ZBED6: variants seen among roughly 807,000 people sequenced by gnomAD.
ZBED6 encodes the protein zinc finger BED-type containing 6.
ZBED6 carries 40 observed loss-of-function variants against 58.4 expected under a neutral mutation model. The ratio of observed to expected loss-of-function variants is 0.68; its 90% confidence interval spans 0.53 to 0.89. The LOEUF is 0.89. Ranked by LOEUF, ZBED6 falls within the 40% of genes least tolerant of loss-of-function variation. The pLI is 0.00. For synonymous variants in ZBED6, 439 were observed against 350.6 expected, an observed-to-expected ratio of 1.25 and a Z score of -2.82; for missense variants, 1,057 against 1,003.9, an observed-to-expected ratio of 1.05 and a Z score of -0.71.
chr1:203,822,688 G>C (rs1679186007), intron 3 of ZBED6, among the ~76,000 whole-genome samples: 1 of 152,120 alleles, frequency 6.6e-6, no homozygotes, highest in Non-Finnish European at 1.5e-5. Context: ...ACCCTGCTCA[G>C]GCTCAACACT....
intron 12 of ZBED6, 90 bp downstream of exon 12, chr1:203,847,777 AC>A: frequency 1.3e-6 from 2 of 1,514,364 alleles, no homozygotes; most frequent in East Asian, 4.5e-5. Context: ...TTGTTTGACA[AC>A]CTTTCTTTAC....
chr1:203,799,333 A>G (rs781727152), exon 1 of ZBED6: 27 of 706,626 alleles, frequency 3.8e-5, no homozygotes, highest in Admixed American at 2.0e-5. Context: ...AGCATTGAGA[A>G]TATGTTAGTG....
exon 17 of ZBED6, chr1:203,853,726 G>A (rs1192004442): frequency 2.6e-5 from 4 of 152,616 alleles, no homozygotes; most frequent in African/African-American, 9.7e-5. Flanking sequence ...TTGGGAATAT[G>A]GAAAAGGAAG....
At chr1:203,836,269 C>G (rs1684291501) in intron 9 of ZBED6, among the ~76,000 whole-genome samples, 1 of 152,126 alleles carries the variant, frequency 6.6e-6, no homozygotes, top group South Asian at 2.1e-4. Flanking sequence ...GTTTTAACAT[C>G]AGCATACCTG....
chr1:203,823,041 A>G (rs1679294424), intron 3 of ZBED6, among the ~76,000 whole-genome samples: 1 of 151,826 alleles, frequency 6.6e-6, no homozygotes, highest in African/African-American at 2.4e-5. Context: ...AAATTGATAA[A>G]GGAGTACTCT....
exon 1 of ZBED6, chr1:203,802,216 T>A (rs1396533141): frequency 6.6e-6 from 1 of 152,628 alleles, no homozygotes; most frequent in Non-Finnish European, 1.5e-5. Context: ...TATATATACA[T>A]ACATCCATAT....
chr1:203,829,125 A>G (rs1454255917), intron 4 of ZBED6: 2 of 303,632 alleles, frequency 6.6e-6, no homozygotes, highest in Middle Eastern at 1.0e-3. Flanking sequence ...CTTAGAAGCT[A>G]CTTCTTTGCT....
exon 2 of ZBED6, chr1:203,817,058 G>T (rs1676606152): frequency 6.2e-7 from 1 of 1,600,380 alleles, no homozygotes; most frequent in Admixed American, 1.7e-5. Context: ...TCTGATCTAA[G>T]AATCTACCCA....
exon 1 of ZBED6, chr1:203,797,396 A>G (rs1380379784): frequency 2.3e-6 from 2 of 878,620 alleles, no homozygotes; most frequent in Non-Finnish European, 3.3e-6. Flanking sequence ...TTATTGGTCC[A>G]GTGGGAATTT....
intron 9 of ZBED6, chr1:203,834,081 A>AAG: frequency 8.3e-7 from 1 of 1,200,052 alleles, no homozygotes; most frequent in Non-Finnish European, 1.0e-6. Flanking sequence ...AGCGTTTTGG[A>AAG]AGGAACTAGA....
chr1:203,809,172 G>GTTT (rs33926996), intron 1 of ZBED6, among the ~76,000 whole-genome samples: 855 of 83,222 alleles, frequency 0.01, 37 homozygotes, highest in African/African-American at 0.013. Context: ...TCTTCTCACT[G>GTTT]TTTTTTTTTT....
intron 2 of ZBED6, among the ~76,000 whole-genome samples, chr1:203,817,529 ACTTCTTT>A (rs1261997443): frequency 2.8e-5 from 4 of 145,408 alleles, no homozygotes; most frequent in Admixed American, 6.9e-5. Flanking sequence ...GTTGAATTTG[ACTTCTTT>A]CTTCTCCCAG....
intron 1 of ZBED6, chr1:203,805,763 C>T (rs1342947576): frequency 4.4e-6 from 3 of 680,998 alleles, no homozygotes; most frequent in Non-Finnish European, 8.4e-6. Flanking sequence ...AGCTCATCAC[C>T]CAGTGTATCC....
At chr1:203,836,988 T>G (rs1018622908) in intron 9 of ZBED6, among the ~76,000 whole-genome samples, 3 of 152,180 alleles carry the variant, frequency 2.0e-5, no homozygotes. Flanking sequence ...TGCATTTACT[T>G]AATTCAGCAG....
intron 1 of ZBED6, among the ~76,000 whole-genome samples, chr1:203,815,599 C>T (rs1010796045): frequency 3.3e-5 from 5 of 151,988 alleles, no homozygotes; most frequent in African/African-American, 1.2e-4. Context: ...ATAATACATT[C>T]TAGAAATGGA....
At chr1:203,844,074 C>G (rs1687221792) in intron 11 of ZBED6, among the ~76,000 whole-genome samples, 1 of 152,122 alleles carries the variant, frequency 6.6e-6, no homozygotes, top group Admixed American at 6.5e-5. Context: ...TCAGGCTGGT[C>G]TCGAACTCCC....
At chr1:203,821,103 A>AT (rs1288503773) in intron 3 of ZBED6, among the ~76,000 whole-genome samples, 1 of 152,046 alleles carries the variant, frequency 6.6e-6, no homozygotes, top group East Asian at 1.9e-4. Context: ...AGGTGATTGG[A>AT]TCATGGGGGC....
At chr1:203,804,225 C>T (rs558009060) in intron 1 of ZBED6, among the ~76,000 whole-genome samples, 106 of 146,226 alleles carry the variant, frequency 7.2e-4, no homozygotes, top group Admixed American at 1.4e-3. Context: ...GATCTCGATT[C>T]ACTGCAAACT....
chr1:203,820,313 C>T (rs1346912817), intron 3 of ZBED6, among the ~76,000 whole-genome samples: 1 of 151,800 alleles, frequency 6.6e-6, no homozygotes, highest in African/African-American at 2.4e-5. Flanking sequence ...CTGTTGAGAG[C>T]AGTTGCTCAG....
Sources: allele counts gnomAD v4.1 joint callset (sites outside exome capture counted in the v4.1 genomes callset), GRCh38; gene constraint gnomAD v4.1.1; transcripts MANE v1.5; gene names NCBI Gene and HGNC (gene_info 2026-07-23, HGNC 2026-07-21).